CLVS1: variants seen among roughly 807,000 people sequenced by gnomAD.
CLVS1 encodes the protein clavesin 1, also known as clavesin-1.
CLVS1 carries 10 observed loss-of-function variants against 33.1 expected under a neutral mutation model. That is an observed-to-expected ratio of 0.30 (90% CI 0.19 to 0.51). The LOEUF is 0.51. CLVS1 is among the 20% of genes least tolerant of loss of function. The pLI is 0.97. For missense variants in CLVS1, 343 were observed against 433.4 expected, an observed-to-expected ratio of 0.79 and a Z score of 1.85; for synonymous variants, 163 against 166.1, an observed-to-expected ratio of 0.98 and a Z score of 0.14.
chr8:61,470,137 A>G (rs1443454305), intron 5 of CLVS1, among the ~76,000 whole-genome samples: 3 of 152,238 alleles, frequency 2.0e-5, no homozygotes, highest in Non-Finnish European at 4.4e-5. Flanking sequence ...GCCGAGATAG[A>G]TGTCCTGCTT....
At chr8:61,295,777 C>T (rs1810176516) in intron 1 of CLVS1, among the ~76,000 whole-genome samples, 1 of 152,094 alleles carries the variant, frequency 6.6e-6, no homozygotes, top group Non-Finnish European at 1.5e-5. Flanking sequence ...ATCATTTAAC[C>T]TCTCTGTGCC....
At chr8:61,087,905 A>G (rs1185843260) in intron 1 of CLVS1, among the ~76,000 whole-genome samples, 1 of 152,220 alleles carries the variant, frequency 6.6e-6, no homozygotes, top group African/African-American at 2.4e-5. Context: ...TAAAACCCTT[A>G]AAGTTCCCTG....
At chr8:61,446,092 T>A (rs1816751633) in intron 3 of CLVS1, among the ~76,000 whole-genome samples, 1 of 152,180 alleles carries the variant, frequency 6.6e-6, no homozygotes, top group Non-Finnish European at 1.5e-5. Context: ...ATTTTATTGA[T>A]CTTTTCAATG....
intron 4 of CLVS1, 108 bp downstream of exon 4, chr8:61,454,359 A>G (rs1279224047): frequency 2.4e-6 from 2 of 843,726 alleles, no homozygotes; most frequent in Admixed American, 1.9e-5. Flanking sequence ...TTCTCTCTTT[A>G]TCTTTCACTG....
intron 2 of CLVS1, among the ~76,000 whole-genome samples, chr8:61,261,996 G>GTGTGTGTGTGTGTA (rs1554551266): frequency 6.4e-5 from 9 of 140,668 alleles, no homozygotes; most frequent in African/African-American, 2.0e-4. Flanking sequence ...GTGTGTGTGT[G>GTGTGTGTGTGTGTA]TGTGTGTGTG....
intron 1 of CLVS1, among the ~76,000 whole-genome samples, chr8:61,123,613 A>G (rs1165025002): frequency 6.6e-6 from 1 of 152,220 alleles, no homozygotes; most frequent in Non-Finnish European, 1.5e-5. Context: ...TTAACTTAGT[A>G]GGAAACTTTG....
chr8:61,068,239 A>ATATG (rs1309413117), intron 1 of CLVS1, among the ~76,000 whole-genome samples: 3 of 146,802 alleles, frequency 2.0e-5, no homozygotes, highest in African/African-American at 7.5e-5. Context: ...GTATATATAT[A>ATATG]TATATATATG....
At chr8:61,054,073 T>C (rs531071714), upstream of CLVS1, among the ~76,000 whole-genome samples, 2 of 152,228 alleles carry the variant, frequency 1.3e-5, no homozygotes, top group Non-Finnish European at 2.9e-5. Context: ...GAGATTTCTC[T>C]GACGCCAGCT....
At chr8:61,118,070 G>A (rs1468536494) in intron 1 of CLVS1, among the ~76,000 whole-genome samples, 1 of 152,088 alleles carries the variant, frequency 6.6e-6, no homozygotes, top group South Asian at 2.1e-4. Flanking sequence ...GGTCTATTCA[G>A]AGATTCAACT....
chr8:61,262,986 C>T (rs1374901276), intron 2 of CLVS1, among the ~76,000 whole-genome samples: 2 of 152,158 alleles, frequency 1.3e-5, no homozygotes, highest in African/African-American at 2.4e-5. Flanking sequence ...GTTAAACCTG[C>T]TGTGCCACAT....
chr8:61,062,265 T>G (rs1017320509), intron 1 of CLVS1, among the ~76,000 whole-genome samples: 2 of 152,196 alleles, frequency 1.3e-5, no homozygotes, highest in Non-Finnish European at 2.9e-5. Flanking sequence ...TAAGAAATAA[T>G]GAGTGTGTGT....
At chr8:61,125,478 A>G (rs1277126520) in intron 1 of CLVS1, among the ~76,000 whole-genome samples, 10 of 152,240 alleles carry the variant, frequency 6.6e-5, no homozygotes, top group African/African-American at 2.4e-4. Context: ...TTTCTCTTCC[A>G]GATAATATTT....
chr8:61,162,319 A>G (rs1806769440), intron 2 of CLVS1, among the ~76,000 whole-genome samples: 1 of 152,208 alleles, frequency 6.6e-6, no homozygotes, highest in Non-Finnish European at 1.5e-5. Context: ...TTTTTCTCCT[A>G]TTAGTCTGTT....
intron 5 of CLVS1, among the ~76,000 whole-genome samples, chr8:61,474,695 A>G (rs897024086): frequency 6.6e-6 from 1 of 152,210 alleles, no homozygotes; most frequent in African/African-American, 2.4e-5. Flanking sequence ...CTTTTCTAAG[A>G]GCAAGAAGCT....
chr8:61,012,643 G>T, the CLVS1 span, among the ~76,000 whole-genome samples: 36 of 152,178 alleles, frequency 2.4e-4, no homozygotes, highest in Non-Finnish European at 5.9e-5. Flanking sequence ...TTAGGGGTAG[G>T]TGTCCTGTGC....
At chr8:61,095,794 C>T (rs1005311344) in intron 1 of CLVS1, among the ~76,000 whole-genome samples, 1 of 152,156 alleles carries the variant, frequency 6.6e-6, no homozygotes, top group African/African-American at 2.4e-5. Context: ...GACGTTTATC[C>T]TGTTAGTCAG....
chr8:61,496,431 G>A (rs181767885), intron 5 of CLVS1, among the ~76,000 whole-genome samples: 1 of 152,194 alleles, frequency 6.6e-6, no homozygotes, highest in East Asian at 1.9e-4. Flanking sequence ...TGGATTTTCT[G>A]CTTTCCTGTT....
At chr8:61,345,638 ATGTGTGTGTGTG>A (rs1004446368) in intron 2 of CLVS1, among the ~76,000 whole-genome samples, 1 of 130,398 alleles carries the variant, frequency 7.7e-6, no homozygotes, top group African/African-American at 3.2e-5. Flanking sequence ...GTGTGTGTGT[ATGTGTGTGTGTG>A]TGTGTGTGTG....
the CLVS1 span, among the ~76,000 whole-genome samples, chr8:61,018,199 C>T: frequency 6.6e-6 from 1 of 152,168 alleles, no homozygotes; most frequent in South Asian, 2.1e-4. Context: ...GAGTAATTTG[C>T]TCTTGGACAA....
Sources: allele counts gnomAD v4.1 joint callset (sites outside exome capture counted in the v4.1 genomes callset), GRCh38; gene constraint gnomAD v4.1.1; transcripts MANE v1.5; gene names NCBI Gene and HGNC (gene_info 2026-07-23, HGNC 2026-07-21).